Variants in LARP1 observed in about 807,000 individuals in gnomAD.
The protein encoded by LARP1 is la-related protein 1.
LARP1 carries 36 observed loss-of-function variants against 122.7 expected under a neutral mutation model. That is an observed-to-expected ratio of 0.29 (90% confidence interval 0.22 to 0.39). The LOEUF (loss-of-function observed/expected upper bound fraction) is 0.39. Among genes scored for constraint, LARP1 ranks in the 10% least tolerant of loss-of-function variants. The probability of loss-of-function intolerance (pLI) is 1.00; values close to 1 mark genes in which losing one functional copy is unlikely to be tolerated. For missense variants in LARP1, 1,040 were observed against 1,403.6 expected (o/e 0.74, Z 4.14); for synonymous variants, 539 against 528.7 (o/e 1.02, Z -0.27).
At chr5:154,757,902 C>A (rs1175215049) in intron 1 of LARP1, among the ~76,000 whole-genome samples, 1 of 123,304 alleles carries the variant, frequency 8.1e-6, no homozygotes, top group Admixed American at 8.3e-5. Context: ...CCCTTCCCCC[C>A]TCCTCCCCTT....
chr5:154,765,961 G>GT (rs1239986076), intron 1 of LARP1, among the ~76,000 whole-genome samples: 1 of 152,208 alleles, frequency 6.6e-6, no homozygotes, highest in African/African-American at 2.4e-5. Flanking sequence ...GGAATATGTT[G>GT]TGTAGGGAAT....
At chr5:154,789,927 G>A (rs561259103) in intron 1 of LARP1, among the ~76,000 whole-genome samples, 1 of 152,258 alleles carries the variant, frequency 6.6e-6, no homozygotes, top group South Asian at 2.1e-4. Context: ...GAATGTTAGG[G>A]CCAGAAATGA....
rs1431394091 is a variant in LARP1, at chr5:154,715,314, G to T, written c.205+2184G>T. ...TCAGTTTCACTTATTGCCCAGGCTG[G>T]AGTGCAATGGCTTGATCTCGGCTCA... On this transcript the variant is annotated intron_variant, in intron 1 of 18. Transcript: ENST00000336314. 2.1e-5 allele frequency among the ~76,000 whole-genome samples: 3 copies of T among 140,884 alleles called. No individual in the cohort carries two copies. In the East Asian group the frequency reaches 6.3e-4, roughly 30 times the overall value. 92.4% of individuals were successfully genotyped at this position (140,884 alleles called of 152,430 possible).
At chr5:154,711,914 C>T (rs556127506), upstream of LARP1, among the ~76,000 whole-genome samples, 221 of 152,220 alleles carry the variant, frequency 1.5e-3, 1 homozygote, top group Non-Finnish European at 2.7e-3. Context: ...TATCACCTCC[C>T]TAGGGAGGGC....
At chr5:154,713,127 C>G (rs1188271161) in exon 1 of LARP1, 1 of 1,612,730 alleles carries the variant, frequency 6.2e-7, no homozygotes, top group South Asian at 1.1e-5. Flanking sequence ...CTTCAGCAAC[C>G]CTGGTGAGTC....
chr5:154,756,504 A>G, intron 1 of LARP1: 1 of 985,848 alleles, frequency 1.0e-6, no homozygotes, highest in Non-Finnish European at 1.2e-6. Flanking sequence ...CAGTGAAACG[A>G]TCCCCACCGC....
intron 1 of LARP1, among the ~76,000 whole-genome samples, chr5:154,716,332 G>T (rs1363534304): frequency 6.6e-6 from 1 of 152,120 alleles, no homozygotes. Flanking sequence ...TGTTGGCCAG[G>T]CTGGTCTCGA....
chr5:154,744,142 A>G (rs1369199411), intron 1 of LARP1, among the ~76,000 whole-genome samples: 1 of 152,176 alleles, frequency 6.6e-6, no homozygotes, highest in Non-Finnish European at 1.5e-5. Flanking sequence ...AAGCCTTGGC[A>G]GGGGAGGATC....
chr5:154,741,226 A>G (rs1752866518), intron 1 of LARP1, among the ~76,000 whole-genome samples: 1 of 152,216 alleles, frequency 6.6e-6, no homozygotes, highest in Non-Finnish European at 1.5e-5. Flanking sequence ...TGCAGTCAGA[A>G]CGCCAAGGGC....
chr5:154,684,246 C>G (rs1753820646), intron 1 of LARP1, among the ~76,000 whole-genome samples: 1 of 152,042 alleles, frequency 6.6e-6, no homozygotes. Context: ...AAATTTGAGA[C>G]CAGCCTGGGC....
Position 154,755,700 on chromosome 5 carries a change from C to G in LARP1, c.-58C>G. 2.0e-6 allele frequency: 2 copies of G among 987,892 alleles called. No individual in the cohort carries two copies. Among genetic ancestry groups the G allele is most frequent in the Non-Finnish European group, 2.4e-6 (2 of 830,430 alleles). 61.2% of individuals were successfully genotyped at this position (987,892 alleles called of 1,614,324 possible). A position where few individuals can be genotyped will look rare whatever the true frequency, so the allele number is the denominator to read the frequency against. ...TCGCGGGCGCTCTGCTAGCCAAGTTCGAGGCGGGGGAGGCAGCCTCGGGCG... is the reference window on the plus strand; with the variant it reads ...TCGCGGGCGCTCTGCTAGCCAAGTTGGAGGCGGGGGAGGCAGCCTCGGGCG... On this transcript the variant is annotated 5_prime_UTR_variant, in exon 1 of 19. Coordinates refer to ENST00000518297, the MANE Select transcript of LARP1 (RefSeq NM_033551.3).
chr5:154,760,792 G>C (rs1426418559), intron 1 of LARP1, among the ~76,000 whole-genome samples: 1 of 152,220 alleles, frequency 6.6e-6, no homozygotes. Flanking sequence ...ATTTTTTAAA[G>C]GGAAGAACTG....
At chr5:154,685,211 T>C (rs1370788540) in intron 1 of LARP1, among the ~76,000 whole-genome samples, 1 of 149,868 alleles carries the variant, frequency 6.7e-6, no homozygotes, top group Non-Finnish European at 1.5e-5. Flanking sequence ...GCCACTGCAC[T>C]CCAGCCTGGG....
chr5:154,698,527 G>T (rs1372340393), intron 1 of LARP1, among the ~76,000 whole-genome samples: 1 of 152,194 alleles, frequency 6.6e-6, no homozygotes, highest in Non-Finnish European at 1.5e-5. Context: ...AATCCAGGAG[G>T]CGGAGGTTGC....
chr5:154,695,766 G>A (rs1194769839), intron 1 of LARP1, among the ~76,000 whole-genome samples: 1 of 151,678 alleles, frequency 6.6e-6, no homozygotes, highest in Non-Finnish European at 1.5e-5. Flanking sequence ...CCAGCTACTT[G>A]GGCGGCTGAG....
At chr5:154,694,208 C>CTTGATTTAT (rs2113218980) in intron 1 of LARP1, among the ~76,000 whole-genome samples, 1 of 152,122 alleles carries the variant, frequency 6.6e-6, no homozygotes, top group Admixed American at 6.5e-5. Flanking sequence ...TTGATTATAT[C>CTTGATTTAT]TTGATTTATT....
intron 1 of LARP1, among the ~76,000 whole-genome samples, chr5:154,774,881 G>A (rs952777756): frequency 1.3e-5 from 2 of 152,146 alleles, no homozygotes; most frequent in African/African-American, 4.8e-5. Flanking sequence ...GCACCAGGGG[G>A]GATCACAGTG....
intron 1 of LARP1, among the ~76,000 whole-genome samples, chr5:154,766,215 T>C (rs1191817702): frequency 3.3e-5 from 5 of 152,236 alleles, no homozygotes; most frequent in Non-Finnish European, 7.3e-5. Flanking sequence ...ATTCTGATTT[T>C]AGCTGGAAGG....
intron 1 of LARP1, among the ~76,000 whole-genome samples, chr5:154,790,036 TG>T (rs758985883): frequency 6.6e-6 from 1 of 152,242 alleles, no homozygotes; most frequent in Admixed American, 6.5e-5. Flanking sequence ...GTTACGGAAC[TG>T]TACTCTCTGA....
Sources: allele counts gnomAD v4.1 joint callset (sites outside exome capture counted in the v4.1 genomes callset), GRCh38; gene constraint gnomAD v4.1.1; transcripts MANE v1.5; gene names NCBI Gene and HGNC (gene_info 2026-07-23, HGNC 2026-07-21).